SGK3: variants seen among roughly 807,000 people sequenced by gnomAD.
SGK3 encodes the protein serum/glucocorticoid regulated kinase family member 3.
In SGK3, 47 loss-of-function variants were observed where a neutral mutation model predicts 68.5. The ratio of observed to expected loss-of-function variants is 0.69; its 90% confidence interval spans 0.54 to 0.87. The LOEUF (loss-of-function observed/expected upper bound fraction) is 0.87. Ranked by LOEUF, SGK3 falls within the 40% of genes least tolerant of loss-of-function variation. The pLI, the probability that SGK3 is intolerant of heterozygous loss-of-function variation, is 0.00. For missense variants in SGK3, 479 were observed against 575.5 expected (o/e 0.83, Z 1.72); for synonymous variants, 181 against 189.1 (o/e 0.96, Z 0.35).
At chr8:66,817,156 G>C (rs1808621980) in intron 5 of SGK3, among the ~76,000 whole-genome samples, 1 of 152,046 alleles carries the variant, frequency 6.6e-6, no homozygotes, top group Non-Finnish European at 1.5e-5. Flanking sequence ...CTTCTGGCCA[G>C]GCACAGTGGC....
intron 14 of SGK3, among the ~76,000 whole-genome samples, chr8:66,845,702 T>TTATTTATTTATA (rs1809982361): frequency 7.4e-6 from 1 of 134,728 alleles, no homozygotes. Flanking sequence ...GCTTATTTAT[T>TTATTTATTTATA]TATTTATTTA....
At chr8:66,771,896 A>G (rs1304160063) in intron 1 of SGK3, among the ~76,000 whole-genome samples, 1 of 151,556 alleles carries the variant, frequency 6.6e-6, no homozygotes, top group African/African-American at 2.4e-5. Context: ...GTCTTACTTA[A>G]TAATAATTTA....
At chr8:66,723,974 A>G (rs907503298) in intron 1 of SGK3, among the ~76,000 whole-genome samples, 17 of 152,178 alleles carry the variant, frequency 1.1e-4, no homozygotes, top group African/African-American at 2.7e-4. Flanking sequence ...TAGCAGAGAA[A>G]AGTTTTTAAG....
chr8:66,818,092 C>G (rs1808667263), intron 5 of SGK3, among the ~76,000 whole-genome samples: 1 of 152,152 alleles, frequency 6.6e-6, no homozygotes, highest in African/African-American at 2.4e-5. Context: ...GCAGTCCAAC[C>G]TGGGTGGCAG....
intron 1 of SGK3, among the ~76,000 whole-genome samples, chr8:66,762,573 AT>A (rs1306829384): frequency 6.6e-6 from 1 of 151,832 alleles, no homozygotes; most frequent in African/African-American, 2.4e-5. Context: ...AAACCCACTG[AT>A]TTTTTTCTTT....
At chr8:66,808,734 A>G (rs1585747462) in intron 4 of SGK3, among the ~76,000 whole-genome samples, 1 of 151,774 alleles carries the variant, frequency 6.6e-6, no homozygotes, top group South Asian at 2.1e-4. Flanking sequence ...CTGGTCTCGA[A>G]CTCCTGACCT....
chr8:66,844,705 A>G (rs1194621762), intron 14 of SGK3, among the ~76,000 whole-genome samples: 1 of 152,224 alleles, frequency 6.6e-6, no homozygotes, highest in African/African-American at 2.4e-5. Flanking sequence ...ACTGTCAGCC[A>G]AGACCTGAGC....
At chr8:66,847,864 C>CTTT (rs34161130) in intron 15 of SGK3, among the ~76,000 whole-genome samples, 3 of 111,156 alleles carry the variant, frequency 2.7e-5, no homozygotes, top group East Asian at 2.6e-4. Context: ...CACTAAGTCA[C>CTTT]TTTTTTTTTT....
chr8:66,784,131 G>A (rs1346611490), intron 1 of SGK3, among the ~76,000 whole-genome samples: 2 of 152,060 alleles, frequency 1.3e-5, no homozygotes, highest in African/African-American at 4.8e-5. Flanking sequence ...GAACTCCTGG[G>A]CTCAAGGGAT....
At chr8:66,781,447 C>T (rs1169717833) in intron 1 of SGK3, among the ~76,000 whole-genome samples, 2 of 152,214 alleles carry the variant, frequency 1.3e-5, no homozygotes, top group South Asian at 2.1e-4. Context: ...CTCCTGGCCT[C>T]AAGCTGTCCT....
At chr8:66,826,255 G>A (rs1159318239) in intron 6 of SGK3, among the ~76,000 whole-genome samples, 2 of 152,154 alleles carry the variant, frequency 1.3e-5, no homozygotes, top group African/African-American at 2.4e-5. Context: ...ACAGGTGTGA[G>A]CCACCACGCC....
intron 5 of SGK3, among the ~76,000 whole-genome samples, chr8:66,814,314 G>T (rs1808495453): frequency 6.6e-6 from 1 of 152,106 alleles, no homozygotes; most frequent in South Asian, 2.1e-4. Context: ...CAGTGTAGTG[G>T]GCAAAACAGG....
chr8:66,767,875 G>T, intron 1 of SGK3: 1 of 1,324,914 alleles, frequency 7.5e-7, no homozygotes, highest in Non-Finnish European at 1.1e-6. Flanking sequence ...GCCAAAACAT[G>T]ATATTGAAAC....
intron 8 of SGK3, among the ~76,000 whole-genome samples, chr8:66,833,252 T>C (rs1809375564): frequency 6.6e-6 from 1 of 152,174 alleles, no homozygotes; most frequent in Admixed American, 6.5e-5. Context: ...GTGATCTGCC[T>C]GCCTCGGCCT....
chr8:66,789,945 G>A (rs570761713), intron 1 of SGK3, among the ~76,000 whole-genome samples: 1 of 152,282 alleles, frequency 6.6e-6, no homozygotes, highest in South Asian at 2.1e-4. Flanking sequence ...AGGCATGGTA[G>A]CACATGCCTG....
chr8:66,797,439 TC>T (rs951470484), intron 2 of SGK3, among the ~76,000 whole-genome samples: 1 of 152,174 alleles, frequency 6.6e-6, no homozygotes, highest in Non-Finnish European at 1.5e-5. Context: ...CATAATAGCT[TC>T]CTCTGAGACA....
intron 16 of SGK3, among the ~76,000 whole-genome samples, chr8:66,852,374 C>G (rs1810330679): frequency 6.6e-6 from 1 of 150,960 alleles, no homozygotes; most frequent in African/African-American, 2.4e-5. Context: ...CTCCGCCTCC[C>G]TGGTTCAGGA....
intron 1 of SGK3, among the ~76,000 whole-genome samples, chr8:66,728,031 T>A (rs1177129567): frequency 6.6e-6 from 1 of 152,230 alleles, no homozygotes; most frequent in East Asian, 1.9e-4. Flanking sequence ...AGTTGCTTTT[T>A]AAACCACAAT....
At chr8:66,767,495 A>C in intron 1 of SGK3, 1 of 1,505,948 alleles carries the variant, frequency 6.6e-7, no homozygotes, top group African/African-American at 1.4e-5. Context: ...CATGGTGGAG[A>C]GGGCATCTTC....
Sources: allele counts gnomAD v4.1 joint callset (sites outside exome capture counted in the v4.1 genomes callset), GRCh38; gene constraint gnomAD v4.1.1; transcripts MANE v1.5; gene names NCBI Gene and HGNC (gene_info 2026-07-23, HGNC 2026-07-21).